Variants in HECW2 observed in about 807,000 individuals in gnomAD.
HECW2 encodes the protein E3 ubiquitin-protein ligase HECW2.
HECW2 carries 61 observed loss-of-function variants against 175.2 expected under a neutral mutation model. The observed-to-expected ratio is 0.35, with a 90% CI of 0.28 to 0.43. HECW2 has a LOEUF of 0.43. HECW2 is among the 20% of genes least tolerant of loss of function. The pLI, the probability that HECW2 is intolerant of heterozygous loss-of-function variation, is 1.00. For synonymous variants in HECW2, 671 were observed against 731.0 expected, an observed-to-expected ratio of 0.92 and a Z score of 1.32; for missense variants, 1,524 against 2,000.5, an observed-to-expected ratio of 0.76 and a Z score of 4.54.
Position 196,325,163 on chromosome 2 carries a change from G to C in HECW2, c.572-14C>G, listed in dbSNP as rs1019068244. The C allele has an allele frequency of 1.9e-6, 3 of 1,555,694 alleles. No individual in the cohort carries two copies. In the African/African-American group the frequency reaches 4.1e-5, roughly 21 times the overall value. ...CTGCCCTAAGATCTTTAAAGAAAGA[G>C]GGAGAAGGAGGGAGGGACAAAGAGA... is the stretch of plus-strand genomic sequence containing the variant. On this transcript the variant is annotated splice_polypyrimidine_tract_variant and intron_variant, in intron 5 of 28. Transcript: ENST00000644978.
At chr2:196,287,118 T>C (rs1690420954) in intron 14 of HECW2, among the ~76,000 whole-genome samples, 1 of 152,232 alleles carries the variant, frequency 6.6e-6, no homozygotes, top group African/African-American at 2.4e-5. Flanking sequence ...AAATCTGTCC[T>C]CATAACCATA....
At chr2:196,445,996 A>G (rs1399135961) in intron 1 of HECW2, among the ~76,000 whole-genome samples, 1 of 152,166 alleles carries the variant, frequency 6.6e-6, no homozygotes. Context: ...CAGATGTTAG[A>G]TCATTTTGTT....
At chr2:196,387,331 T>C (rs1694378041) in intron 2 of HECW2, among the ~76,000 whole-genome samples, 1 of 152,144 alleles carries the variant, frequency 6.6e-6, no homozygotes, top group Admixed American at 6.5e-5. Context: ...TAAGCAGTGA[T>C]TAGGTCATGA....
chr2:196,268,166 A>G (rs1438925841), intron 17 of HECW2, among the ~76,000 whole-genome samples: 1 of 152,228 alleles, frequency 6.6e-6, no homozygotes, highest in Non-Finnish European at 1.5e-5. Context: ...TAAGCAAAAT[A>G]TTTAACTCCC....
intron 2 of HECW2, among the ~76,000 whole-genome samples, chr2:196,421,669 C>T (rs1695410856): frequency 6.6e-6 from 1 of 152,054 alleles, no homozygotes; most frequent in Non-Finnish European, 1.5e-5. Flanking sequence ...AAAATATTTA[C>T]AATTATTTAA....
chr2:196,412,303 T>C (rs916027520), intron 2 of HECW2, among the ~76,000 whole-genome samples: 7 of 152,208 alleles, frequency 4.6e-5, no homozygotes, highest in Non-Finnish European at 8.8e-5. Flanking sequence ...CGTCTTCATG[T>C]CACATGCTGC....
chr2:196,282,553 T>G (rs1332101597), intron 14 of HECW2, among the ~76,000 whole-genome samples: 3 of 151,670 alleles, frequency 2.0e-5, no homozygotes, highest in Admixed American at 6.6e-5. Flanking sequence ...GAAGCAGGGG[T>G]GGGGGCGGTT....
At chr2:196,558,301 G>A (rs1249880175) in intron 1 of HECW2, among the ~76,000 whole-genome samples, 1 of 152,210 alleles carries the variant, frequency 6.6e-6, no homozygotes, top group East Asian at 1.9e-4. Flanking sequence ...AATGGAAGAA[G>A]TCTACAGTCA....
intron 13 of HECW2, among the ~76,000 whole-genome samples, chr2:196,305,307 T>C (rs1691219446): frequency 6.6e-6 from 1 of 152,232 alleles, no homozygotes; most frequent in Admixed American, 6.5e-5. Flanking sequence ...AGCATGTTAT[T>C]CGTTGCTTAC....
intron 1 of HECW2, among the ~76,000 whole-genome samples, chr2:196,474,653 T>C (rs1412121962): frequency 6.6e-6 from 1 of 152,244 alleles, no homozygotes; most frequent in Non-Finnish European, 1.5e-5. Context: ...GCAAAGCTTA[T>C]ATAGAAAGCT....
chr2:196,264,212 T>C (rs781510027), intron 17 of HECW2: 4 of 152,230 alleles, frequency 2.6e-5, no homozygotes, highest in African/African-American at 9.6e-5. Flanking sequence ...TAACTCATTG[T>C]TCTCTGTGAT....
At chr2:196,215,358 A>AT (rs1021207235) in intron 28 of HECW2, among the ~76,000 whole-genome samples, 4 of 152,206 alleles carry the variant, frequency 2.6e-5, no homozygotes, top group African/African-American at 7.2e-5. Flanking sequence ...ACAGCAAAGC[A>AT]TTTTTTTTCT....
chr2:196,448,506 A>C (rs966596263), intron 1 of HECW2, among the ~76,000 whole-genome samples: 2 of 152,188 alleles, frequency 1.3e-5, no homozygotes, highest in African/African-American at 4.8e-5. Flanking sequence ...GTTTATCCAC[A>C]AAATTTGGGG....
At chr2:196,305,780 A>T (rs978676290) in intron 13 of HECW2, among the ~76,000 whole-genome samples, 1 of 152,058 alleles carries the variant, frequency 6.6e-6, no homozygotes, top group African/African-American at 2.4e-5. Context: ...ATTTTCTTAT[A>T]TCCTAGTACA....
At chr2:196,404,774 T>C (rs1694913111) in intron 2 of HECW2, among the ~76,000 whole-genome samples, 1 of 151,842 alleles carries the variant, frequency 6.6e-6, no homozygotes, top group Non-Finnish European at 1.5e-5. Flanking sequence ...TCCATTCTTA[T>C]AATCATCCTG....
chr2:196,307,994 TG>T lies in HECW2; in HGVS notation c.2525del (p.Pro842GlnfsTer18). 2 of 1,606,040 alleles carry T rather than the reference TG, an allele frequency of 1.2e-6. No individual in the cohort carries two copies. Among genetic ancestry groups the T allele is most frequent in the Non-Finnish European group, 8.5e-7 (1 of 1,174,004 alleles). On this transcript the variant is annotated frameshift_variant, in exon 11 of 29. Transcript: ENST00000644978. LOFTEE classifies it high-confidence loss of function. ...TAGATCTCTGCAGCACCTGCGGGGC[TG>T]GGGGAGCTGTCGGTCGCTGCCACGT... ...TTTWQRPTAP[P>X]APQVLQRSNS...
intron 28 of HECW2, among the ~76,000 whole-genome samples, chr2:196,208,709 G>A (rs1687156768): frequency 1.3e-5 from 2 of 152,174 alleles, no homozygotes; most frequent in Admixed American, 6.5e-5. Flanking sequence ...AATTCCCTGA[G>A]CCTTGAAGCA....
At chr2:196,451,611 T>C (rs1465401948) in intron 1 of HECW2, among the ~76,000 whole-genome samples, 1 of 151,982 alleles carries the variant, frequency 6.6e-6, no homozygotes, top group Non-Finnish European at 1.5e-5. Flanking sequence ...AGAAATGATT[T>C]CCTGATGGTT....
intron 14 of HECW2, among the ~76,000 whole-genome samples, chr2:196,281,669 A>AAAG (rs1690193630): frequency 2.0e-5 from 3 of 148,062 alleles, no homozygotes; most frequent in Non-Finnish European, 4.5e-5. Flanking sequence ...AAAAAAAAAA[A>AAAG]GCGTGTTCTT....
Sources: allele counts gnomAD v4.1 joint callset (sites outside exome capture counted in the v4.1 genomes callset), GRCh38; gene constraint gnomAD v4.1.1; transcripts MANE v1.5; gene names NCBI Gene and HGNC (gene_info 2026-07-23, HGNC 2026-07-21).